The following THUMPD1 variants were observed in gnomAD, a reference collection of about 807,000 sequenced individuals.
THUMPD1 encodes THUMP domain 1 NAT10 acetyltransferase adaptor.
A neutral mutation model predicts 31.6 loss-of-function variants in THUMPD1; 31 were observed. That is an observed-to-expected ratio of 0.98 (90% CI 0.74 to 1.32). The LOEUF (loss-of-function observed/expected upper bound fraction) is 1.32. Ranked by LOEUF, THUMPD1 falls within the 40% of genes most tolerant of loss-of-function variation. The probability of loss-of-function intolerance (pLI) is 0.00; values close to 1 mark genes in which losing one functional copy is unlikely to be tolerated. For synonymous variants in THUMPD1, 166 were observed against 158.2 expected (o/e 1.05, Z -0.37); for missense variants, 446 against 427.8 (o/e 1.04, Z -0.38).
chr16:20,736,880 CTA>C lies in THUMPD1; in HGVS notation c.1060_1061del (p.Ter354GlyfsTer24). The C allele has an allele frequency of 1.2e-6, 2 of 1,613,376 alleles. No individual in the cohort carries two copies. The highest frequency in any genetic ancestry group is 2.2e-5 in the South Asian group (2 of 91,046). ...CCCACCTCCAACACCAAATGACTTC[CTA>C]TGAGAAGTCATTTTCATTTGACTTG... ...GSKSNENDFS[*>X] On this transcript the variant is annotated frameshift_variant and stop_lost, in exon 4 of 4. Transcript: ENST00000396083. LOFTEE classifies it high-confidence loss of function.
Position 20,741,568 on chromosome 16 carries a change from C to G in THUMPD1, c.172G>C (p.Val58Leu), listed in dbSNP as rs2079924272. 1 of 1,581,702 alleles carries G rather than the reference C, an allele frequency of 6.3e-7. No homozygotes were observed. The highest frequency in any genetic ancestry group is 8.6e-7 in the Non-Finnish European group (1 of 1,164,382). Reference protein sequence around the residue: ...ITCNMNERKCVEEAYSLLNEY... With the variant: ...ITCNMNERKCLEEAYSLLNEY... ...TTGAGGAGGCTGTAGGCCTCCTCCA[C>G]GCACTTGCGCTCGTTCATATTGCAG... Residue 58 changes from valine to leucine, a missense_variant, in exon 1 of 4, where the codon GTG (valine) becomes CTG (leucine). Physicochemically the swap from Val to Leu is conservative, Grantham distance 32. Coordinates refer to ENST00000396083, the MANE Select transcript of THUMPD1 (RefSeq NM_017736.5).
intron 3 of THUMPD1, among the ~76,000 whole-genome samples, 171 bp from the exon 4 acceptor site, chr16:20,737,457 C>T (rs2079880678): frequency 6.6e-6 from 1 of 152,094 alleles, no homozygotes; most frequent in South Asian, 2.1e-4. Context: ...AAATGAAACC[C>T]TACAACATTT....
At chr16:20,739,437 C>T (rs765493426) in intron 1 of THUMPD1, among the ~76,000 whole-genome samples, 9 of 152,094 alleles carry the variant, frequency 5.9e-5, no homozygotes, top group Non-Finnish European at 1.2e-4. Context: ...TCCCAAAGTG[C>T]TGGGATTACA....
In THUMPD1 at chr16:20,735,175, C is replaced by T. The variant is rs751357300; in HGVS notation, c.*1705G>A. On this transcript the variant is annotated 3_prime_UTR_variant, in exon 4 of 4. Coordinates refer to ENST00000396083, the MANE Select transcript of THUMPD1 (RefSeq NM_017736.5). The stretch of plus-strand genomic sequence containing the variant: ...GTCCATTTGTTCATGTGATGAAAAA[C>T]GTCTGCAAAATAGGCTACTTTCTGT... 5.3e-5 allele frequency: 8 copies of T among 152,132 alleles called. No homozygotes were observed. Among genetic ancestry groups the T allele is most frequent in the African/African-American group, 1.9e-4 (8 of 41,424 alleles). The allele number at this position is 152,132 out of a possible 1,614,324, so 9.4% of individuals were successfully genotyped here. A position where few individuals can be genotyped will look rare whatever the true frequency, so the allele number is the denominator to read the frequency against.
At position 20,736,649 on chromosome 16, in the gene THUMPD1, C is replaced by T; in HGVS notation, c.*231G>A. The stretch of plus-strand genomic sequence containing the variant: ...GAGGCCAACATCCCCCTCCTATCCT[C>T]CCCTCTTTGCAACAGCAGCACATGG... On this transcript the variant is annotated 3_prime_UTR_variant, in exon 4 of 4. Transcript: ENST00000396083. 1 of 494,320 alleles carries T rather than the reference C, an allele frequency of 2.0e-6. No individual in the cohort carries two copies. Among genetic ancestry groups the T allele is most frequent in the South Asian group, 3.2e-5 (1 of 31,516 alleles). 30.6% of individuals were successfully genotyped at this position (494,320 alleles called of 1,614,324 possible).
At chr16:20,741,481 G>GGGGGGGGGGGGGCCCCCCCCCCCCC in intron 1 of THUMPD1, 28 bp downstream of exon 1, 2 of 1,308,408 alleles carry the variant, frequency 1.5e-6, no homozygotes, top group Non-Finnish European at 2.0e-6. Context: ...CTGGCAGCCG[G>GGGGGGGGGGGGGCCCCCCCCCCCCC]CCCGCCCGCC....
At chr16:20,738,119 G>A in intron 2 of THUMPD1, 163 bp from the exon 3 acceptor site, 1 of 733,204 alleles carries the variant, frequency 1.4e-6, no homozygotes, top group South Asian at 1.6e-5. Flanking sequence ...TATTTCTTCA[G>A]TGCCTAATAC....
At chr16:20,741,481 G>GGGGGGGGGGGGGGGGGC in intron 1 of THUMPD1, 28 bp downstream of exon 1, 4 of 1,308,414 alleles carry the variant, frequency 3.1e-6, no homozygotes, top group Non-Finnish European at 3.0e-6. Context: ...CTGGCAGCCG[G>GGGGGGGGGGGGGGGGGC]CCCGCCCGCC....
At chr16:20,741,481 G>GGGGGGGGGGGGGGGGGGC in intron 1 of THUMPD1, 28 bp downstream of exon 1, 1 of 1,308,412 alleles carries the variant, frequency 7.6e-7, no homozygotes, top group Non-Finnish European at 9.9e-7. Flanking sequence ...CTGGCAGCCG[G>GGGGGGGGGGGGGGGGGGC]CCCGCCCGCC....
chr16:20,734,835 G>A lies in THUMPD1; in HGVS notation c.*2045C>T, dbSNP rs1001627113. ...TCTTATTTCACAGAAATCTAGGACTGTCAGACTAGGGCTGAGTTCATTCTC... is the reference window on the plus strand; with the variant it reads ...TCTTATTTCACAGAAATCTAGGACTATCAGACTAGGGCTGAGTTCATTCTC... On this transcript the variant is annotated 3_prime_UTR_variant, in exon 4 of 4. Transcript: ENST00000396083. 1.3e-5 allele frequency: 2 copies of A among 152,228 alleles called. No homozygotes were observed. Among genetic ancestry groups the A allele is most frequent in the African/African-American group, 4.8e-5 (2 of 41,456 alleles). 9.4% of individuals were successfully genotyped at this position (152,228 alleles called of 1,614,324 possible).
At position 20,740,626 on chromosome 16, in the gene THUMPD1, C is replaced by G. The variant is rs551886760; in HGVS notation, c.231+883G>C. 2.6e-5 allele frequency among the ~76,000 whole-genome samples: 4 copies of G among 152,266 alleles called. No homozygotes were observed. In the South Asian group the frequency reaches 8.3e-4, roughly 32 times the overall value. On this transcript the variant is annotated intron_variant, in intron 1 of 3. Transcript: ENST00000396083. Reference sequence around the variant, plus strand: ...TAGCTCAGCAGCATCAAATAATGTGCCCATGTCCGAGTCCCCAAGCTAGTA... The same window carrying G: ...TAGCTCAGCAGCATCAAATAATGTGGCCATGTCCGAGTCCCCAAGCTAGTA...
rs1567329673 is a variant in THUMPD1 at position 20,736,831 on chromosome 16, T to A, written c.*49A>T. On this transcript the variant is annotated 3_prime_UTR_variant, in exon 4 of 4. Coordinates refer to ENST00000396083, the MANE Select transcript of THUMPD1 (RefSeq NM_017736.5). ...AATTTAAGGTGGAGCCCCAGCAACA[T>A]CTCGTAGAGCCCCAGGTGAGAAACC... 1 of 1,575,330 alleles carries A rather than the reference T, an allele frequency of 6.3e-7. No homozygotes were observed. Among genetic ancestry groups the A allele is most frequent in the Non-Finnish European group, 8.6e-7 (1 of 1,158,368 alleles).
In THUMPD1 at chr16:20,737,752, T is replaced by C. The variant is rs1369008274; in HGVS notation, c.611A>G (p.Asn204Ser). The change falls in exon 3 of 4, where the codon AAT becomes AGT. Residue 204 changes from asparagine (N) to serine (S), a missense_variant. Coordinates refer to ENST00000396083, the MANE Select transcript of THUMPD1 (RefSeq NM_017736.5). The part of the protein sequence containing the change: ...GTFQIVYKSR[N>S]NSHVNREEVI... ...TTCTTCTCTATTCACATGACTGTTA[T>C]TTCGAGATTTGTACACAATCTGAAA... 1 of 1,613,788 alleles carries C rather than the reference T, an allele frequency of 6.2e-7. No individual in the cohort carries two copies. Among genetic ancestry groups the C allele is most frequent in the African/African-American group, 1.3e-5 (1 of 75,048 alleles).
chr16:20,738,130 G>T, intron 2 of THUMPD1, 174 bp from the exon 3 acceptor site: 1 of 717,862 alleles, frequency 1.4e-6, no homozygotes, highest in Non-Finnish European at 2.5e-6. Context: ...TGCCTAATAC[G>T]TACTATAATG....
At chr16:20,738,869 C>G in intron 2 of THUMPD1, 28 bp downstream of exon 2, 1 of 1,609,512 alleles carries the variant, frequency 6.2e-7, no homozygotes, top group Non-Finnish European at 8.5e-7. Flanking sequence ...GTTATGAGAT[C>G]GATAATCTTA....
At position 20,736,834 on chromosome 16, in the gene THUMPD1, C is replaced by T. The variant is rs370413553; in HGVS notation, c.*46G>A. 11 of 1,580,362 alleles carry T rather than the reference C, an allele frequency of 7.0e-6. No individual in the cohort carries two copies. The highest frequency in any genetic ancestry group is 6.7e-5 in the East Asian group (3 of 44,596). On this transcript the variant is annotated 3_prime_UTR_variant, in exon 4 of 4. Coordinates refer to ENST00000396083, the MANE Select transcript of THUMPD1 (RefSeq NM_017736.5). Reference sequence around the variant, plus strand: ...TTAAGGTGGAGCCCCAGCAACATCTCGTAGAGCCCCAGGTGAGAAACCCAC... The same window carrying T: ...TTAAGGTGGAGCCCCAGCAACATCTTGTAGAGCCCCAGGTGAGAAACCCAC...
chr16:20,740,706 C>T (rs1175606178), intron 1 of THUMPD1, among the ~76,000 whole-genome samples: 1 of 152,156 alleles, frequency 6.6e-6, no homozygotes, highest in Admixed American at 6.6e-5. Context: ...CATTTAATCC[C>T]TCAGTGTGCG....
chr16:20,740,478 C>T (rs562268029), intron 1 of THUMPD1, among the ~76,000 whole-genome samples: 24 of 152,346 alleles, frequency 1.6e-4, no homozygotes, highest in African/African-American at 5.3e-4. Flanking sequence ...TAGTGCCCAA[C>T]GAAATTGCCA....
intron 1 of THUMPD1, 32 bp downstream of exon 1, chr16:20,741,477 G>GGCCC: frequency 7.3e-7 from 1 of 1,378,122 alleles, no homozygotes; most frequent in South Asian, 1.5e-5. Context: ...AGGCCTGGCA[G>GGCCC]CCGGCCCGCC....
Sources: allele counts gnomAD v4.1 joint callset (sites outside exome capture counted in the v4.1 genomes callset), GRCh38; gene constraint gnomAD v4.1.1; transcripts MANE v1.5; gene names NCBI Gene and HGNC (gene_info 2026-07-23, HGNC 2026-07-21).